The following ETAA1 variants were observed in gnomAD, a reference collection of about 807,000 sequenced individuals.
The protein encoded by ETAA1 is ewing's tumor-associated antigen 1.
In ETAA1, 49 loss-of-function variants were observed where a neutral mutation model predicts 76.8. That is an observed-to-expected ratio of 0.64 (90% CI 0.51 to 0.81). ETAA1 has a LOEUF of 0.81. Ranked by LOEUF, ETAA1 falls within the 30% of genes least tolerant of loss-of-function variation. The pLI, the probability that ETAA1 is intolerant of heterozygous loss-of-function variation, is 0.00. For missense variants in ETAA1, 1,099 were observed against 1,074.0 expected (o/e 1.02, Z -0.32); for synonymous variants, 373 against 372.2 (o/e 1.00, Z -0.03).
At position 67,410,287 on chromosome 2, in the gene ETAA1, C is replaced by T; in HGVS notation, c.*249C>T. The stretch of plus-strand genomic sequence containing the variant: ...TTAGCAATTATGTACGGATATTATA[C>T]AGAGGAAAGTAGTTATATTTTTAAA... On this transcript the variant is annotated 3_prime_UTR_variant, in exon 6 of 6. Transcript: ENST00000272342. 1 of 357,854 alleles carries T rather than the reference C, an allele frequency of 2.8e-6. No homozygotes were observed. The highest frequency in any genetic ancestry group is 5.0e-6 in the Non-Finnish European group (1 of 201,208). 22.2% of individuals were successfully genotyped at this position (357,854 alleles called of 1,614,324 possible).
In ETAA1 at chr2:67,397,454, T is replaced by G. The variant is rs751493972; in HGVS notation, c.6T>G (p.Ser2Arg). M[S>R]RRRKHDDSPS... ...GTGGAGGCGGGCCATAGGCAATGAG[T>G]CGGCGAAGGAAACATGATGACAGCC... Residue 2 changes from serine to arginine, a missense_variant, in exon 1 of 6, where the codon AGT (serine) becomes AGG (arginine). This residue lies in a region of ETAA1 where 761 missense variants were observed against 731.9 expected (regional missense o/e 1.04). Coordinates refer to ENST00000272342, the MANE Select transcript of ETAA1 (RefSeq NM_019002.4). 116 of 1,592,266 alleles carry G rather than the reference T, an allele frequency of 7.3e-5. No homozygotes were observed. The highest frequency in any genetic ancestry group is 2.2e-4 in the African/African-American group (16 of 74,326).
At chr2:67,403,016 A>C in intron 4 of ETAA1, 42 bp downstream of exon 4, 1 of 1,518,956 alleles carries the variant, frequency 6.6e-7, no homozygotes, top group Non-Finnish European at 8.9e-7. Flanking sequence ...TCAGTGAAGC[A>C]AATATTTTTT....
chr2:67,398,497 G>A (rs1204535158), intron 1 of ETAA1, among the ~76,000 whole-genome samples: 7 of 151,650 alleles, frequency 4.6e-5, no homozygotes, highest in African/African-American at 1.7e-4. Flanking sequence ...CACCTCGCCC[G>A]GCTAATTTTT....
Position 67,411,736 on chromosome 2 carries a change from A to G in ETAA1, c.*1698A>G, listed in dbSNP as rs1676378799. On this transcript the variant is annotated 3_prime_UTR_variant, in exon 6 of 6. Transcript: ENST00000272342. ...TTTCATATCTACAGTGGAGTACTGG[A>G]GTTTAGCTAACCTATATTATTTTTC... The G allele has an allele frequency of 1.3e-5, 2 of 152,106 alleles. No homozygotes were observed. The highest frequency in any genetic ancestry group is 4.8e-5 in the African/African-American group (2 of 41,434). 9.4% of individuals were successfully genotyped at this position (152,106 alleles called of 1,614,324 possible). A position where few individuals can be genotyped will look rare whatever the true frequency, so the allele number is the denominator to read the frequency against.
intron 3 of ETAA1, among the ~76,000 whole-genome samples, chr2:67,400,112 ACCT>A (rs1298332148): frequency 6.6e-6 from 1 of 152,096 alleles, no homozygotes; most frequent in Non-Finnish European, 1.5e-5. Context: ...TCCTCATTCA[ACCT>A]CCTATGCTGT....
intron 5 of ETAA1, among the ~76,000 whole-genome samples, chr2:67,408,049 T>A (rs1196495363): frequency 6.6e-6 from 1 of 152,208 alleles, no homozygotes. Flanking sequence ...TAATCTGCGT[T>A]TTAGCTTACC....
In ETAA1 at chr2:67,404,649, G is replaced by C; in HGVS notation, c.1967G>C (p.Arg656Thr). 1 of 1,612,898 alleles carries C rather than the reference G, an allele frequency of 6.2e-7. No homozygotes were observed. Among genetic ancestry groups the C allele is most frequent in the Admixed American group, 1.7e-5 (1 of 59,942 alleles). The change falls in exon 5 of 6, where the codon AGA becomes ACA. Residue 656 changes from arginine (R) to threonine (T), a missense_variant. Coordinates refer to ENST00000272342, the MANE Select transcript of ETAA1 (RefSeq NM_019002.4). The stretch of plus-strand genomic sequence containing the variant: ...AAACTAACTCAGCAACAAGACATTA[G>C]AAAGGACAGTAAGACATCAGAAAGT... Reference protein sequence around the residue: ...GAKLTQQQDIRKDSKTSESIC... With the variant: ...GAKLTQQQDITKDSKTSESIC...
chr2:67,399,396 G>A, intron 2 of ETAA1, 99 bp downstream of exon 2: 3 of 1,223,376 alleles, frequency 2.5e-6, no homozygotes, highest in Non-Finnish European at 2.3e-6. Flanking sequence ...GAACCTCTGA[G>A]AATGTTATAT....
intron 5 of ETAA1, among the ~76,000 whole-genome samples, chr2:67,406,610 G>C (rs1309372009): frequency 6.6e-6 from 1 of 152,048 alleles, no homozygotes; most frequent in Non-Finnish European, 1.5e-5. Context: ...AAAGGAAAAA[G>C]TTAAGTCTTC....
At position 67,404,512 on chromosome 2, in the gene ETAA1, G is replaced by T; in HGVS notation, c.1830G>T (p.Leu610Phe). ...CAGATGATGTAGATGATGATTTGTT[G>T]TACCAAGCATGTGATGATATTGAAA... ...WEADDVDDDLLYQACDDIERL... is the reference protein window; with the variant it reads ...WEADDVDDDLFYQACDDIERL... Residue 610 changes from leucine to phenylalanine, a missense_variant, in exon 5 of 6, where the codon TTG becomes TTT. Around this residue, in one of 3 missense-constraint regions of ETAA1, gnomAD observed 761 missense variants for 731.9 expected, o/e 1.04. Transcript: ENST00000272342. 1 of 1,613,344 alleles carries T rather than the reference G, an allele frequency of 6.2e-7. No homozygotes were observed. Among genetic ancestry groups the T allele is most frequent in the South Asian group, 1.1e-5 (1 of 91,064 alleles).
Position 67,397,416 on chromosome 2 carries a change from G to A in ETAA1, c.-33G>A. 6.4e-7 allele frequency: 1 copy of A among 1,560,752 alleles called. No homozygotes were observed. Among genetic ancestry groups the A allele is most frequent in the Non-Finnish European group, 8.7e-7 (1 of 1,150,844 alleles). ...ACTCATCCCTTTGCAAAATGTGAAA[G>A]AAGAAGCGGCTGGTGGAGGCGGGCC... On this transcript the variant is annotated 5_prime_UTR_variant, in exon 1 of 6. Coordinates refer to ENST00000272342, the MANE Select transcript of ETAA1 (RefSeq NM_019002.4).
chr2:67,408,808 C>T (rs1461141826), intron 5 of ETAA1, among the ~76,000 whole-genome samples: 1 of 152,056 alleles, frequency 6.6e-6, no homozygotes. Context: ...GATTATTAAC[C>T]TGTTTTCTTT....
rs1558583719 is a variant in ETAA1, at chr2:67,410,028, C to G, written c.2771C>G (p.Ser924Ter). 1 of 1,602,276 alleles carries G rather than the reference C, an allele frequency of 6.2e-7. No individual in the cohort carries two copies. The highest frequency in any genetic ancestry group is 1.1e-5 in the South Asian group (1 of 88,146). Residue 924 changes from serine to a stop codon, truncating the protein, a stop_gained, in exon 6 of 6, where the codon TCA becomes TGA. Transcript: ENST00000272342. LOFTEE classifies it high-confidence loss of function. ...RASSVNAAPT[S>*]FL is the part of the protein sequence containing the mutation. ...TCATCTGTAAATGCAGCTCCCACTT[C>G]ATTTCTTTAATGAAATATTAGTTGG...
intron 5 of ETAA1, among the ~76,000 whole-genome samples, chr2:67,405,678 G>A (rs1676197221): frequency 6.6e-6 from 1 of 151,944 alleles, no homozygotes; most frequent in African/African-American, 2.4e-5. Flanking sequence ...CATTAAGATT[G>A]TATTTACTAA....
chr2:67,397,711 C>T, intron 1 of ETAA1, 40 bp downstream of exon 1: 1 of 1,525,132 alleles, frequency 6.6e-7, no homozygotes, highest in Non-Finnish European at 8.8e-7. Context: ...GCTTCGGCGC[C>T]GCATCCCCAC....
rs1157255310 is a variant in ETAA1 at position 67,411,244 on chromosome 2, A to C, written c.*1206A>C. On this transcript the variant is annotated 3_prime_UTR_variant, in exon 6 of 6. Transcript: ENST00000272342. The stretch of plus-strand genomic sequence containing the variant: ...TTTTAGGAGATCTAGAGAAAGTTAG[A>C]GATATGAAACACCTGTCATGGTGTG... The C allele has an allele frequency of 6.6e-6, 1 of 152,040 alleles. No individual in the cohort carries two copies. Among genetic ancestry groups the C allele is most frequent in the Non-Finnish European group, 1.5e-5 (1 of 67,978 alleles). The allele number at this position is 152,040 out of a possible 1,614,324, so 9.4% of individuals were successfully genotyped here. A position where few individuals can be genotyped will look rare whatever the true frequency, so the allele number is the denominator to read the frequency against.
chr2:67,411,881 C>T lies in ETAA1; in HGVS notation c.*1843C>T, dbSNP rs1241867066. ...CTGACTATGCTTTGGATATCTCTGT[C>T]CTTGCTTAAGCTCCTCCCTGCTTAC... On this transcript the variant is annotated 3_prime_UTR_variant, in exon 6 of 6. Transcript: ENST00000272342. 6.6e-6 allele frequency: 1 copy of T among 151,926 alleles called. No individual in the cohort carries two copies. Among genetic ancestry groups the T allele is most frequent in the African/African-American group, 2.4e-5 (1 of 41,368 alleles). 9.4% of individuals were successfully genotyped at this position (151,926 alleles called of 1,614,324 possible).
chr2:67,403,105 T>C, intron 4 of ETAA1, 120 bp from the exon 5 acceptor site: 1 of 1,137,752 alleles, frequency 8.8e-7, no homozygotes, highest in Non-Finnish European at 1.2e-6. Context: ...CTATCAAATT[T>C]TGGAGTTAAA....
chr2:67,406,741 C>CAT (rs955594327), intron 5 of ETAA1, among the ~76,000 whole-genome samples: 49 of 151,732 alleles, frequency 3.2e-4, no homozygotes, highest in Admixed American at 6.6e-4. Context: ...TATGTGTATG[C>CAT]ATATATATAT....
Sources: allele counts gnomAD v4.1 joint callset (sites outside exome capture counted in the v4.1 genomes callset), GRCh38; gene constraint gnomAD v4.1.1; regional missense constraint gnomAD v4.1.1; transcripts MANE v1.5; gene names NCBI Gene and HGNC (gene_info 2026-07-23, HGNC 2026-07-21).